Variants in EMID1 observed in about 807,000 individuals in gnomAD.
EMID1 encodes the protein EMI domain containing 1.
In EMID1, 40 loss-of-function variants were observed where a neutral mutation model predicts 60.6. The observed-to-expected ratio is 0.66, with a 90% confidence interval of 0.51 to 0.86. The LOEUF is 0.86. Among genes scored for constraint, EMID1 ranks in the 40% least tolerant of loss-of-function variants. The probability of loss-of-function intolerance (pLI) is 0.00; values close to 1 mark genes in which losing one functional copy is unlikely to be tolerated. For synonymous variants in EMID1, 242 were observed against 231.0 expected, an observed-to-expected ratio of 1.05 and a Z score of -0.43; for missense variants, 585 against 597.1, an observed-to-expected ratio of 0.98 and a Z score of 0.21.
chr22:29,255,404 G>T, intron 14 of EMID1: 5 of 1,377,286 alleles, frequency 3.6e-6, no homozygotes, highest in Non-Finnish European at 4.8e-6. Context: ...CTTCCAGGAA[G>T]GGCCTGGAAA....
intron 3 of EMID1, among the ~76,000 whole-genome samples, chr22:29,223,045 T>TGG (rs1396660425): frequency 1.3e-5 from 2 of 152,050 alleles, no homozygotes; most frequent in Non-Finnish European, 2.9e-5. Flanking sequence ...GAGCCGAGAT[T>TGG]GCACCACTGC....
chr22:29,231,629 G>T lies in EMID1; in HGVS notation c.623G>T (p.Gly208Val), dbSNP rs2040752838. 1.3e-6 allele frequency: 2 copies of T among 1,503,048 alleles called. No homozygotes were observed. Among genetic ancestry groups the T allele is most frequent in the Non-Finnish European group, 1.8e-6 (2 of 1,121,584 alleles). 93.1% of individuals were successfully genotyped at this position (1,503,048 alleles called of 1,614,324 possible). ...VGAWGLPGPTGPKGDAGSRGP... is the reference protein window; with the variant it reads ...VGAWGLPGPTVPKGDAGSRGP... ...GCTTGGGGGCTTCCCGGGCCCACCGGCCCCAAGGGAGATGCCGGCAGTCGG... is the reference window on the plus strand; with the variant it reads ...GCTTGGGGGCTTCCCGGGCCCACCGTCCCCAAGGGAGATGCCGGCAGTCGG... Residue 208 changes from glycine to valine, a missense_variant, in exon 7 of 15, where the codon GGC (glycine) becomes GTC (valine). Coordinates refer to ENST00000334018, the MANE Select transcript of EMID1 (RefSeq NM_133455.4).
chr22:29,215,046 G>A lies in EMID1; in HGVS notation c.215+7G>A. On this transcript the variant is annotated splice_region_variant and intron_variant, in intron 2 of 14. Transcript: ENST00000334018. ...TGAGCTGTCCGGGGAGCAGGTAAATGAGGTGGAGAAGGAACTGATGGCATT... is the reference window on the plus strand; with the variant it reads ...TGAGCTGTCCGGGGAGCAGGTAAATAAGGTGGAGAAGGAACTGATGGCATT... The A allele has an allele frequency of 6.5e-7, 1 of 1,528,692 alleles. No individual in the cohort carries two copies. Among genetic ancestry groups the A allele is most frequent in the Non-Finnish European group, 8.8e-7 (1 of 1,131,596 alleles). The allele number at this position is 1,528,692 out of a possible 1,614,324, so 94.7% of individuals were successfully genotyped here. A position where few individuals can be genotyped will look rare whatever the true frequency, so the allele number is the denominator to read the frequency against.
intron 10 of EMID1, 77 bp downstream of exon 10, chr22:29,233,743 A>G: frequency 7.4e-6 from 10 of 1,356,194 alleles, no homozygotes; most frequent in Middle Eastern, 1.8e-4. Flanking sequence ...ACATCTGTCC[A>G]TCATCCACCC....
intron 14 of EMID1, among the ~76,000 whole-genome samples, chr22:29,256,998 T>C (rs755268929): frequency 6.6e-5 from 10 of 152,196 alleles, no homozygotes; most frequent in Non-Finnish European, 1.2e-4. Flanking sequence ...TCTCAGAACC[T>C]TTTTAGGTGT....
At chr22:29,232,555 C>A in intron 8 of EMID1, 153 bp downstream of exon 8, 1 of 887,634 alleles carries the variant, frequency 1.1e-6, no homozygotes, top group Non-Finnish European at 1.7e-6. Flanking sequence ...CGTTGTCCTC[C>A]TGTGGTTACA....
At chr22:29,248,797 C>T (rs2041420360) in intron 13 of EMID1, among the ~76,000 whole-genome samples, 2 of 128,066 alleles carry the variant, frequency 1.6e-5, no homozygotes, top group South Asian at 4.8e-4. Context: ...TACGAGATCA[C>T]GCCACTGCAC....
At chr22:29,208,574 G>T (rs2039766436) in intron 1 of EMID1, among the ~76,000 whole-genome samples, 1 of 152,228 alleles carries the variant, frequency 6.6e-6, no homozygotes, top group Admixed American at 6.5e-5. Context: ...GGATCAGGGA[G>T]AATGGAGGGC....
chr22:29,232,620 C>A, intron 8 of EMID1: 1 of 558,418 alleles, frequency 1.8e-6, no homozygotes, highest in Non-Finnish European at 3.0e-6. Flanking sequence ...GTCCCACAGC[C>A]TGGGCGTAGG....
intron 1 of EMID1, among the ~76,000 whole-genome samples, chr22:29,206,420 C>T (rs1053893165): frequency 6.6e-6 from 1 of 152,226 alleles, no homozygotes; most frequent in Admixed American, 6.5e-5. Flanking sequence ...CCCTTCTGTT[C>T]CCCTGTCCCT....
chr22:29,213,480 A>C (rs955987708), intron 1 of EMID1, among the ~76,000 whole-genome samples: 3 of 152,180 alleles, frequency 2.0e-5, no homozygotes, highest in African/African-American at 7.2e-5. Context: ...GCACAGAAAG[A>C]TGAAGGGAAT....
intron 1 of EMID1, among the ~76,000 whole-genome samples, chr22:29,214,354 G>A (rs1046559742): frequency 3.9e-5 from 6 of 152,156 alleles, no homozygotes; most frequent in Admixed American, 1.3e-4. Context: ...GGGCTTTGAA[G>A]GTAGGAGGCG....
At chr22:29,224,854 T>A (rs1001973198) in intron 3 of EMID1, among the ~76,000 whole-genome samples, 1 of 152,118 alleles carries the variant, frequency 6.6e-6, no homozygotes, top group African/African-American at 2.4e-5. Context: ...GCTAACCTCT[T>A]AGCCCATGAG....
At chr22:29,257,649 A>AGGT (rs2041749236) in intron 14 of EMID1, among the ~76,000 whole-genome samples, 1 of 152,242 alleles carries the variant, frequency 6.6e-6, no homozygotes, top group African/African-American at 2.4e-5. Flanking sequence ...CCTGGGTGGA[A>AGGT]GCGACACCAA....
intron 5 of EMID1, 82 bp from the exon 6 acceptor site, chr22:29,230,936 CAG>C (rs1021255425): frequency 6.2e-5 from 94 of 1,521,540 alleles, no homozygotes; most frequent in Non-Finnish European, 7.4e-5. Context: ...GCCTGGGCAA[CAG>C]AGCAAAACTC....
intron 13 of EMID1, among the ~76,000 whole-genome samples, chr22:29,252,333 T>A (rs1200021221): frequency 1.3e-5 from 2 of 152,166 alleles, no homozygotes. Flanking sequence ...GTTGTTTAGA[T>A]GGTTTTGTGG....
intron 14 of EMID1, among the ~76,000 whole-genome samples, chr22:29,257,211 G>T (rs1469406546): frequency 4.6e-5 from 7 of 152,184 alleles, no homozygotes; most frequent in Admixed American, 4.6e-4. Flanking sequence ...CAGGTCGGGG[G>T]ACTGGGAAAT....
At chr22:29,213,444 C>A (rs1244115151) in intron 1 of EMID1, among the ~76,000 whole-genome samples, 1 of 152,200 alleles carries the variant, frequency 6.6e-6, no homozygotes, top group Non-Finnish European at 1.5e-5. Context: ...TAGGTTGTTT[C>A]CTCTTCCAGC....
rs267606215 is a variant in EMID1 at position 29,226,529 on chromosome 22, G to A, written c.443G>A (p.Arg148Gln). 12 of 1,611,652 alleles carry A rather than the reference G, an allele frequency of 7.4e-6. No homozygotes were observed. The highest frequency in any genetic ancestry group is 4.0e-5 in the African/African-American group (3 of 74,858). ...NCSKVSELTE[R>Q]LKVLEAKMTM... ...AGCAAAGTGTCAGAGCTGACAGAGC[G>A]GCTGAAGGTGCTGGAGGCCAAGGTG... Residue 148 changes from arginine (R) to glutamine (Q), a missense_variant, in exon 5 of 15, where the codon CGG (arginine) becomes CAG (glutamine). By Grantham distance (43) the Arg-to-Gln change is conservative. Transcript: ENST00000334018.
Sources: allele counts gnomAD v4.1 joint callset (sites outside exome capture counted in the v4.1 genomes callset), GRCh38; gene constraint gnomAD v4.1.1; transcripts MANE v1.5; gene names NCBI Gene and HGNC (gene_info 2026-07-23, HGNC 2026-07-21).